Variants in HRK observed in about 807,000 individuals in gnomAD.
HRK encodes the protein activator of apoptosis harakiri.
HRK carries 6 observed loss-of-function variants against 5.9 expected under a neutral mutation model. That is an observed-to-expected ratio of 1.02 (90% CI 0.56 to 2.01). The LOEUF (loss-of-function observed/expected upper bound fraction) is 2.01, where lower values mean the gene tolerates loss of function less well. HRK is among the 30% of genes most tolerant of loss of function. The pLI, the probability that HRK is intolerant of heterozygous loss-of-function variation, is 0.00. For synonymous variants in HRK, 85 were observed against 65.1 expected, an observed-to-expected ratio of 1.31 and a Z score of -1.47; for missense variants, 133 against 128.3, an observed-to-expected ratio of 1.04 and a Z score of -0.18.
In HRK at chr12:116,856,196, G is replaced by A. The variant is rs766473334; in HGVS notation, c.*5327C>T. 1.1e-4 allele frequency: 16 copies of A among 152,130 alleles called. No homozygotes were observed. The highest frequency in any genetic ancestry group is 2.1e-4 in the Non-Finnish European group (14 of 68,032). 9.4% of individuals were successfully genotyped at this position (152,130 alleles called of 1,614,324 possible). Reference sequence around the variant, plus strand: ...AAGTCATTACAAATATGTACAAAGCGTCTCCAAGGTATGAAATTCCTCTTA... The same window carrying A: ...AAGTCATTACAAATATGTACAAAGCATCTCCAAGGTATGAAATTCCTCTTA... On this transcript the variant is annotated 3_prime_UTR_variant, in exon 2 of 2. Transcript: ENST00000257572. The surrounding 1 kb of genome is among the most constrained non-coding windows in gnomAD (Gnocchi z 4.4).
At position 116,879,665 on chromosome 12, in the gene HRK, G is replaced by C. The variant is rs1032512404; in HGVS notation, c.*56+1311C>G. 1 of 152,136 alleles carries C rather than the reference G, an allele frequency of 6.6e-6. No individual in the cohort carries two copies. Among genetic ancestry groups the C allele is most frequent in the African/African-American group, 2.4e-5 (1 of 41,456 alleles). The allele number at this position is 152,136 out of a possible 1,614,324, so 9.4% of individuals were successfully genotyped here. On this transcript the variant is annotated intron_variant, in intron 1 of 1. Transcript: ENST00000257572. This position sits in a 1 kb window ranked among gnomAD's most constrained non-coding sequence, Gnocchi z 5.6. ...CTCTTCGCCAGCGCCCGGGCTGCGC[G>C]GGCCCACGCGACATCTGTCGCCTGC...
At chr12:116,870,781 C>CA (rs1327945796) in intron 1 of HRK, among the ~76,000 whole-genome samples, 15 of 152,156 alleles carry the variant, frequency 9.9e-5, no homozygotes, top group Non-Finnish European at 1.8e-4. Context: ...GCCTGGGCAA[C>CA]AGAGAGACCC....
At chr12:116,874,891 C>T (rs1878876250) in intron 1 of HRK, among the ~76,000 whole-genome samples, 1 of 152,142 alleles carries the variant, frequency 6.6e-6, no homozygotes, top group Non-Finnish European at 1.5e-5. Context: ...CTCCAGTCCC[C>T]AGCCATCCTG....
Position 116,858,127 on chromosome 12 carries a change from A to AC in HRK, c.*3395_*3396insG, listed in dbSNP as rs1878217822. The AC allele has an allele frequency of 6.6e-6, 1 of 150,884 alleles. No individual in the cohort carries two copies. Among genetic ancestry groups the AC allele is most frequent in the African/African-American group, 2.4e-5 (1 of 41,146 alleles). 9.3% of individuals were successfully genotyped at this position (150,884 alleles called of 1,614,324 possible). ...CCAAATGAAGGCGGCTAAAAAAAAA[A>AC]AAAAAAAACGAACAAAAAAACAGGA... On this transcript the variant is annotated 3_prime_UTR_variant, in exon 2 of 2. Coordinates refer to ENST00000257572, the MANE Select transcript of HRK (RefSeq NM_003806.4).
chr12:116,866,416 G>A (rs956394476), intron 1 of HRK, among the ~76,000 whole-genome samples: 1 of 151,334 alleles, frequency 6.6e-6, no homozygotes, highest in Non-Finnish European at 1.5e-5. Context: ...AAAAGACTTG[G>A]AGGAGAAGCT....
At chr12:116,877,722 G>C (rs1435512408) in intron 1 of HRK, among the ~76,000 whole-genome samples, 1 of 152,168 alleles carries the variant, frequency 6.6e-6, no homozygotes, top group Non-Finnish European at 1.5e-5. Flanking sequence ...ACGTGCCTAT[G>C]CACTAAGTCT....
At chr12:116,880,768 G>A (rs1388830709) in intron 1 of HRK, among the ~76,000 whole-genome samples, 1 of 152,148 alleles carries the variant, frequency 6.6e-6, no homozygotes, top group Non-Finnish European at 1.5e-5. Context: ...AGAGATGGGG[G>A]CAGAAACGGT....
intron 1 of HRK, among the ~76,000 whole-genome samples, chr12:116,864,345 C>A (rs1878464257): frequency 6.6e-6 from 1 of 152,132 alleles, no homozygotes; most frequent in African/African-American, 2.4e-5. Context: ...GTTATCCGCA[C>A]CAGATAAGGC....
intron 1 of HRK, among the ~76,000 whole-genome samples, chr12:116,866,336 TG>T (rs1448498940): frequency 6.7e-6 from 1 of 148,966 alleles, no homozygotes; most frequent in Non-Finnish European, 1.5e-5. Flanking sequence ...GCAGGAGGAT[TG>T]CTTGAGCCCA....
intron 1 of HRK, chr12:116,876,869 A>G (rs1203267520): frequency 6.6e-6 from 1 of 152,310 alleles, no homozygotes; most frequent in Non-Finnish European, 1.5e-5. Flanking sequence ...TACTGCCCCT[A>G]TCTCCTCTTC....
intron 1 of HRK, 87 bp downstream of exon 1, chr12:116,880,889 A>G (rs1879118857): frequency 4.2e-6 from 2 of 476,172 alleles, no homozygotes; most frequent in South Asian, 8.1e-5. Flanking sequence ...AAGAAAGCCA[A>G]ACTTGCCACT....
At chr12:116,876,244 T>TC (rs1878922356) in intron 1 of HRK, among the ~76,000 whole-genome samples, 1 of 152,134 alleles carries the variant, frequency 6.6e-6, no homozygotes. Flanking sequence ...TCTGGCCCCT[T>TC]CCCGGGGGGT....
rs113928720 is a variant in HRK, at chr12:116,871,634, T to A, written c.*56+9342A>T. Among the ~76,000 whole-genome samples, 988 of 150,222 alleles carry A rather than the reference T, an allele frequency of 6.6e-3. 12 individuals carry two copies. The highest frequency in any genetic ancestry group is 0.02 in the African/African-American group (841 of 41,130). ...AAAAAAAAAAAGTATTATTATTATT[T>A]TTTTTTTTTTGAGACAGGGTCTTGC... On this transcript the variant is annotated intron_variant, in intron 1 of 1. Transcript: ENST00000257572.
At chr12:116,866,175 A>AAAAG (rs1878541137) in intron 1 of HRK, among the ~76,000 whole-genome samples, 1 of 150,382 alleles carries the variant, frequency 6.6e-6, no homozygotes, top group African/African-American at 2.4e-5. Context: ...AAAAAAAAAA[A>AAAAG]GCAGTTTCTC....
intron 1 of HRK, among the ~76,000 whole-genome samples, chr12:116,866,767 G>T (rs572609934): frequency 6.6e-6 from 1 of 152,110 alleles, no homozygotes; most frequent in African/African-American, 2.4e-5. Flanking sequence ...AGCCCAACTC[G>T]CTTGACTTTC....
Position 116,881,241 on chromosome 12 carries a change from G to A in HRK, c.67C>T (p.Leu23=), listed in dbSNP as rs1879144591. ...TGCGCGGCGGACGAGCGCAGCCCCA[G>A]GCGACCCGCGCTGCAGGCGCACACG... The part of the protein sequence containing the change: ...PAVCACSAGR[L]GLRSSAAQLT... Residue 23 remains leucine (L), a synonymous_variant, in exon 1 of 2, where the codon CTG becomes TTG. Coordinates refer to ENST00000257572, the MANE Select transcript of HRK (RefSeq NM_003806.4). 1 of 1,100,186 alleles carries A rather than the reference G, an allele frequency of 9.1e-7. No homozygotes were observed. Among genetic ancestry groups the A allele is most frequent in the Non-Finnish European group, 1.1e-6 (1 of 905,768 alleles). The allele number at this position is 1,100,186 out of a possible 1,614,324, so 68.2% of individuals were successfully genotyped here. A position where few individuals can be genotyped will look rare whatever the true frequency, so the allele number is the denominator to read the frequency against.
In HRK at chr12:116,862,656, A is replaced by G. The variant is rs1354562323; in HGVS notation, c.*57-1190T>C. On this transcript the variant is annotated intron_variant, in intron 1 of 1. Transcript: ENST00000257572. This position sits in a 1 kb window ranked among gnomAD's most constrained non-coding sequence, Gnocchi z 4.0. ...AGTTGACTGTGAAGATGGCTGCAAA[A>G]TTCTATGTATACTCCTCATCATTGA... is the stretch of plus-strand genomic sequence containing the variant. Among the ~76,000 whole-genome samples the G allele has an allele frequency of 1.3e-5, 2 of 152,128 alleles. No homozygotes were observed. The highest frequency in any genetic ancestry group is 4.8e-5 in the African/African-American group (2 of 41,428).
chr12:116,872,955 G>GAAAA (rs1878813490), intron 1 of HRK, among the ~76,000 whole-genome samples: 1 of 148,668 alleles, frequency 6.7e-6, no homozygotes, highest in African/African-American at 2.5e-5. Flanking sequence ...AAGAAGGAAA[G>GAAAA]AAAATCACAT....
chr12:116,877,647 T>C (rs1044094536), intron 1 of HRK, among the ~76,000 whole-genome samples: 3 of 152,328 alleles, frequency 2.0e-5, no homozygotes, highest in East Asian at 3.9e-4. Context: ...ATAATCATGA[T>C]GGCTCACATG....
Sources: gnomAD v4.1 joint callset for allele counts (sites outside exome capture counted in the v4.1 genomes callset) on GRCh38, gnomAD v4.1.1 for gene constraint, Gnocchi (gnomAD v3.1) non-coding constraint, MANE v1.5 for transcripts, NCBI Gene and HGNC (gene_info 2026-07-23, HGNC 2026-07-21) for gene names.